The following DOCK7 variants were observed in gnomAD, a reference collection of about 807,000 sequenced individuals.
DOCK7 encodes dedicator of cytokinesis 7.
DOCK7 carries 138 observed loss-of-function variants against 271.0 expected under a neutral mutation model. The observed-to-expected ratio is 0.51, with a 90% CI of 0.44 to 0.59. The LOEUF is 0.59. Among genes scored for constraint, DOCK7 ranks in the 20% least tolerant of loss-of-function variants. The probability of loss-of-function intolerance (pLI) is 0.00; values close to 1 mark genes in which losing one functional copy is unlikely to be tolerated. For missense variants in DOCK7, 2,066 were observed against 2,592.4 expected, an observed-to-expected ratio of 0.80 and a Z score of 4.41; for synonymous variants, 823 against 876.1, an observed-to-expected ratio of 0.94 and a Z score of 1.07.
chr1:62,663,141 G>T lies in DOCK7; in HGVS notation c.39-11C>A. On this transcript the variant is annotated splice_polypyrimidine_tract_variant and intron_variant, in intron 1 of 49. Transcript: ENST00000635253. Reference sequence around the variant, plus strand: ...TCGGCTGCCACCGTTCTACAATGAAGAAAGCAAAAACATACGCATTATTGA... The same window carrying T: ...TCGGCTGCCACCGTTCTACAATGAATAAAGCAAAAACATACGCATTATTGA... The T allele has an allele frequency of 1.3e-6, 2 of 1,505,626 alleles. No homozygotes were observed. Among genetic ancestry groups the T allele is most frequent in the Non-Finnish European group, 1.8e-6 (2 of 1,116,622 alleles). The allele number at this position is 1,505,626 out of a possible 1,614,324, so 93.3% of individuals were successfully genotyped here.
At position 62,618,880 on chromosome 1, in the gene DOCK7, A is replaced by G. The variant is rs1652790875; in HGVS notation, c.1520-12T>C. ...TATCTTGAGCTGAGCTGCAAATTAT[A>G]TATTAAAAAACAATGTAAAGACAAT... On this transcript the variant is annotated splice_polypyrimidine_tract_variant and intron_variant, in intron 13 of 49. Coordinates refer to ENST00000635253, the MANE Select transcript of DOCK7 (RefSeq NM_001367561.1). The G allele has an allele frequency of 1.2e-6, 2 of 1,609,420 alleles. No homozygotes were observed. The highest frequency in any genetic ancestry group is 1.3e-5 in the African/African-American group (1 of 74,704).
intron 1 of DOCK7, among the ~76,000 whole-genome samples, chr1:62,677,338 G>A (rs1017098771): frequency 1.3e-5 from 2 of 152,118 alleles, no homozygotes; most frequent in African/African-American, 4.8e-5. Flanking sequence ...ACCAATAACT[G>A]AGTCCTTGGA....
At chr1:62,481,189 G>A (rs1240544223) in intron 43 of DOCK7, among the ~76,000 whole-genome samples, 1 of 152,104 alleles carries the variant, frequency 6.6e-6, no homozygotes, top group Non-Finnish European at 1.5e-5. Context: ...CCTACCGAGT[G>A]TGTTTGAGGA....
Position 62,471,980 on chromosome 1 carries a change from A to G in DOCK7, c.6212+2002T>C, listed in dbSNP as rs535546234. Among the ~76,000 whole-genome samples the G allele has an allele frequency of 5.9e-5, 9 of 152,302 alleles. No individual in the cohort carries two copies. In the East Asian group the frequency reaches 1.7e-3, roughly 29 times the overall value. Reference sequence around the variant, plus strand: ...TTGTAAAATACATATGCATAAAGGTATACTATTTAGTTACCATACTGAATG... The same window carrying G: ...TTGTAAAATACATATGCATAAAGGTGTACTATTTAGTTACCATACTGAATG... On this transcript the variant is annotated intron_variant, in intron 48 of 49. Coordinates refer to ENST00000635253, the MANE Select transcript of DOCK7 (RefSeq NM_001367561.1).
intron 13 of DOCK7, among the ~76,000 whole-genome samples, chr1:62,619,354 T>C (rs924288351): frequency 1.3e-5 from 2 of 152,226 alleles, no homozygotes; most frequent in African/African-American, 2.4e-5. Context: ...CACTTTAGTA[T>C]AGTAATTCCT....
intron 18 of DOCK7, among the ~76,000 whole-genome samples, chr1:62,572,188 A>G (rs925788497): frequency 6.6e-6 from 1 of 152,196 alleles, no homozygotes; most frequent in Non-Finnish European, 1.5e-5. Context: ...AAACTCGGGA[A>G]ATAAGGTCCA....
chr1:62,493,675 A>G (rs1646531217), intron 40 of DOCK7, among the ~76,000 whole-genome samples: 1 of 152,208 alleles, frequency 6.6e-6, no homozygotes, highest in South Asian at 2.1e-4. Flanking sequence ...CCGAGAAACG[A>G]TAACTTTCTT....
At chr1:62,523,665 G>A (rs1429447224) in intron 31 of DOCK7, among the ~76,000 whole-genome samples, 1 of 152,132 alleles carries the variant, frequency 6.6e-6, no homozygotes. Flanking sequence ...TCAGGAGATC[G>A]AGACCATCCT....
chr1:62,652,992 A>G (rs1657565458), intron 4 of DOCK7, among the ~76,000 whole-genome samples: 2 of 152,330 alleles, frequency 1.3e-5, no homozygotes, highest in South Asian at 2.1e-4. Flanking sequence ...CAATGGATAT[A>G]TCACTTTTGC....
At chr1:62,589,420 C>T (rs1648090612) in intron 14 of DOCK7, among the ~76,000 whole-genome samples, 1 of 152,064 alleles carries the variant, frequency 6.6e-6, no homozygotes, top group Admixed American at 6.5e-5. Context: ...TTGATTCAAT[C>T]ATAGTGGTCT....
intron 18 of DOCK7, among the ~76,000 whole-genome samples, chr1:62,571,090 A>C (rs1646759684): frequency 6.6e-6 from 1 of 152,204 alleles, no homozygotes; most frequent in African/African-American, 2.4e-5. Flanking sequence ...CTGCACTGCA[A>C]AAGAAACTAT....
At chr1:62,478,907 A>G (rs983429518) in intron 43 of DOCK7, 1 of 152,216 alleles carries the variant, frequency 6.6e-6, no homozygotes, top group Non-Finnish European at 1.5e-5. Flanking sequence ...CTTAACTCTC[A>G]CACAGCATAT....
intron 29 of DOCK7, among the ~76,000 whole-genome samples, chr1:62,534,393 C>G (rs1021374213): frequency 4.6e-5 from 7 of 152,044 alleles, no homozygotes; most frequent in Non-Finnish European, 7.4e-5. Flanking sequence ...GCGGGCTGAT[C>G]ACTCGAGGCC....
Position 62,505,618 on chromosome 1 carries a change from G to C in DOCK7, c.4611+64C>G, listed in dbSNP as rs980006009. ...ATATTAACCAATGAATGTGTCAAAT[G>C]ATCTTAGACAATGTTAATAAAAAAA... On this transcript the variant is annotated intron_variant, in intron 36 of 49. Coordinates refer to ENST00000635253, the MANE Select transcript of DOCK7 (RefSeq NM_001367561.1). 4 of 1,488,744 alleles carry C rather than the reference G, an allele frequency of 2.7e-6. No individual in the cohort carries two copies. In the African/African-American group the frequency reaches 5.6e-5, roughly 21 times the overall value. 92.2% of individuals were successfully genotyped at this position (1,488,744 alleles called of 1,614,324 possible). A position where few individuals can be genotyped will look rare whatever the true frequency, so the allele number is the denominator to read the frequency against.
At chr1:62,624,099 T>A (rs371781369) in intron 12 of DOCK7, among the ~76,000 whole-genome samples, 2 of 152,198 alleles carry the variant, frequency 1.3e-5, no homozygotes, top group South Asian at 4.1e-4. Flanking sequence ...TTTCTCCCCA[T>A]TCTTATATGG....
intron 48 of DOCK7, among the ~76,000 whole-genome samples, chr1:62,462,914 CTTTTTT>C (rs34400688): frequency 3.0e-4 from 24 of 79,372 alleles, no homozygotes; most frequent in East Asian, 2.2e-3. Flanking sequence ...GTAGAAAAAG[CTTTTTT>C]TTTTTTTTTT....
chr1:62,553,352 ATATTTTT>A (rs1646014181), intron 21 of DOCK7, among the ~76,000 whole-genome samples: 5 of 9,418 alleles, frequency 5.3e-4, no homozygotes, highest in African/African-American at 2.7e-3. Context: ...ATATATATAT[ATATTTTT>A]TTTTTTTTTT....
intron 40 of DOCK7, among the ~76,000 whole-genome samples, chr1:62,493,140 A>G (rs1646512963): frequency 6.6e-6 from 1 of 152,190 alleles, no homozygotes; most frequent in African/African-American, 2.4e-5. Context: ...CTAAGGAGAC[A>G]TCAATAGTCT....
intron 48 of DOCK7, among the ~76,000 whole-genome samples, chr1:62,470,464 A>C (rs1259093680): frequency 6.6e-6 from 1 of 152,160 alleles, no homozygotes; most frequent in East Asian, 1.9e-4. Flanking sequence ...ATGAGGGATA[A>C]AAGACTATCA....
Sources: allele counts gnomAD v4.1 joint callset (sites outside exome capture counted in the v4.1 genomes callset), GRCh38; gene constraint gnomAD v4.1.1; transcripts MANE v1.5; gene names NCBI Gene and HGNC (gene_info 2026-07-23, HGNC 2026-07-21).